BRWD1: variants seen among roughly 807,000 people sequenced by gnomAD.
The protein encoded by BRWD1 is bromodomain and WD repeat domain containing 1.
In BRWD1, 82 loss-of-function variants were observed where a neutral mutation model predicts 251.2. The observed-to-expected ratio is 0.33, with a 90% CI of 0.27 to 0.39. BRWD1 has a LOEUF of 0.39. Ranked by LOEUF, BRWD1 falls within the 10% of genes least tolerant of loss-of-function variation. The probability of loss-of-function intolerance (pLI) is 1.00; values close to 1 mark genes in which losing one functional copy is unlikely to be tolerated. For synonymous variants in BRWD1, 918 were observed against 902.8 expected (o/e 1.02, Z -0.30); for missense variants, 2,233 against 2,711.6 (o/e 0.82, Z 3.92).
intron 4 of BRWD1, among the ~76,000 whole-genome samples, chr21:39,310,242 G>A (rs928028891): frequency 7.9e-5 from 12 of 152,182 alleles, no homozygotes; most frequent in East Asian, 3.8e-4. Context: ...TTGGCCAGGC[G>A]CAGTGGCTCA....
At chr21:39,279,112 C>A (rs1056628846) in intron 9 of BRWD1, among the ~76,000 whole-genome samples, 2 of 152,038 alleles carry the variant, frequency 1.3e-5, no homozygotes, top group East Asian at 3.9e-4. Context: ...ATAAAAAGAT[C>A]AAATTAATCA....
At chr21:39,261,062 T>C (rs568760247) in intron 17 of BRWD1, among the ~76,000 whole-genome samples, 8 of 152,082 alleles carry the variant, frequency 5.3e-5, no homozygotes, top group Admixed American at 5.2e-4. Flanking sequence ...TCATCTGTAC[T>C]AAAAATACAA....
chr21:39,316,529 C>G (rs1041568337), upstream of BRWD1, among the ~76,000 whole-genome samples: 2 of 152,068 alleles, frequency 1.3e-5, no homozygotes, highest in Non-Finnish European at 2.9e-5. Flanking sequence ...GTAACAAGGG[C>G]GTAAGATTAA....
At chr21:39,247,063 C>T (rs372010102) in intron 21 of BRWD1, among the ~76,000 whole-genome samples, 3 of 148,890 alleles carry the variant, frequency 2.0e-5, no homozygotes, top group Non-Finnish European at 3.0e-5. Flanking sequence ...GGCAAGACAA[C>T]GAGACTCCGT....
At chr21:39,291,482 C>T (rs1391371715) in intron 8 of BRWD1, among the ~76,000 whole-genome samples, 1 of 152,134 alleles carries the variant, frequency 6.6e-6, no homozygotes, top group Admixed American at 6.5e-5. Flanking sequence ...TTGGCCCAAC[C>T]CCACCAACAT....
At chr21:39,206,315 T>C (rs994695439) in intron 36 of BRWD1, 41 bp from the exon 37 acceptor site, 1 of 1,349,264 alleles carries the variant, frequency 7.4e-7, no homozygotes, top group Admixed American at 2.2e-5. Context: ...CAAAATAGCC[T>C]TAAAAGTACT....
At chr21:39,299,394 T>TA (rs1168652039) in intron 4 of BRWD1, among the ~76,000 whole-genome samples, 1 of 152,104 alleles carries the variant, frequency 6.6e-6, no homozygotes, top group African/African-American at 2.4e-5. Flanking sequence ...TACTAGGCAG[T>TA]AAAAAACATT....
rs529899423 is a variant in BRWD1 at position 39,242,943 on chromosome 21, T to C, written c.2482-4370A>G. ...TCCAAATATTACTGCTTGTGGACAA[T>C]AGACCTAGCCATCCAAGACCTCTGA... is the stretch of plus-strand genomic sequence containing the variant. On this transcript the variant is annotated intron_variant, in intron 21 of 40. Coordinates refer to ENST00000342449, the MANE Select transcript of BRWD1 (RefSeq NM_033656.4). Among the ~76,000 whole-genome samples, 44 of 152,276 alleles carry C rather than the reference T, an allele frequency of 2.9e-4. 1 individual carries two copies. The highest frequency in any genetic ancestry group is 2.0e-3 in the Admixed American group (31 of 15,298).
chr21:39,228,644 A>C (rs2033480966), intron 26 of BRWD1, 62 bp from the exon 27 acceptor site: 2 of 885,862 alleles, frequency 2.3e-6, no homozygotes, highest in South Asian at 3.0e-5. Flanking sequence ...GTCTAAAAGC[A>C]GCACTGTCCA....
rs148274063 is a variant in BRWD1 at position 39,247,273 on chromosome 21, T to C, written c.2481+428A>G. Among the ~76,000 whole-genome samples the C allele has an allele frequency of 7.2e-3, 1,095 of 152,304 alleles. 8 individuals are homozygous for C. Among genetic ancestry groups the C allele is most frequent in the Middle Eastern group, 0.02 (6 of 294 alleles). On this transcript the variant is annotated intron_variant, in intron 21 of 40. Coordinates refer to ENST00000342449, the MANE Select transcript of BRWD1 (RefSeq NM_033656.4). ...GGTGACGATGGCCCAACTCTGTCAA[T>C]ATACTACAGGTTATATACCCCTTAT...
chr21:39,192,226 GA>G lies in BRWD1; in HGVS notation c.*4032del. 1.0e-6 allele frequency: 1 copy of G among 981,250 alleles called. No individual in the cohort carries two copies. The highest frequency in any genetic ancestry group is 1.2e-6 in the Non-Finnish European group (1 of 828,952). 60.8% of individuals were successfully genotyped at this position (981,250 alleles called of 1,614,324 possible). On this transcript the variant is annotated 3_prime_UTR_variant, in exon 41 of 41. Transcript: ENST00000342449. Reference sequence around the variant, plus strand: ...CAGCCTTTAAAACTTAAAATCGTAAGAAAAGACAACACAGCCCTTAGCATTA... The same window carrying G: ...CAGCCTTTAAAACTTAAAATCGTAAGAAAGACAACACAGCCCTTAGCATTA...
chr21:39,300,025 C>T (rs2036065660), intron 4 of BRWD1, among the ~76,000 whole-genome samples: 2 of 152,080 alleles, frequency 1.3e-5, no homozygotes, highest in African/African-American at 2.4e-5. Context: ...TAGCTGCTTA[C>T]ACCCCTAGCA....
chr21:39,284,690 TA>T (rs1407610990), intron 8 of BRWD1, among the ~76,000 whole-genome samples: 2 of 152,222 alleles, frequency 1.3e-5, no homozygotes, highest in Non-Finnish European at 2.9e-5. Flanking sequence ...ATGTTAAGCA[TA>T]TTTTCATATA....
intron 4 of BRWD1, 76 bp from the exon 5 acceptor site, chr21:39,298,658 C>A: frequency 8.1e-7 from 1 of 1,232,936 alleles, no homozygotes; most frequent in East Asian, 2.7e-5. Flanking sequence ...ATAAGTCTGG[C>A]AAAATGTGAA....
rs111713192 is a variant in BRWD1 at position 39,274,484 on chromosome 21, C to T, written c.1146-12G>A. 16 of 1,596,162 alleles carry T rather than the reference C, an allele frequency of 1.0e-5. No individual in the cohort carries two copies. The African/African-American group carries it at 1.1e-4, about 11-fold the overall frequency. On this transcript the variant is annotated splice_polypyrimidine_tract_variant and intron_variant, in intron 12 of 40. Coordinates refer to ENST00000342449, the MANE Select transcript of BRWD1 (RefSeq NM_033656.4). ...TACCACTTAGGAACCTTAAAACATT[C>T]AGAACAGGATCTTACTATATTCACA...
rs1258774859 is a variant in BRWD1, at chr21:39,195,196, G to A, written c.*1063C>T. The A allele has an allele frequency of 2.9e-5, 30 of 1,031,312 alleles. No individual in the cohort carries two copies. Among genetic ancestry groups the A allele is most frequent in the African/African-American group, 3.4e-5 (2 of 58,048 alleles). 63.9% of individuals were successfully genotyped at this position (1,031,312 alleles called of 1,614,324 possible). On this transcript the variant is annotated 3_prime_UTR_variant, in exon 41 of 41. Transcript: ENST00000342449. ...AGAATGCTTAGGATTGCACATGGAA[G>A]CAGTAAACTAAAACAAAGAGATGGA... is the stretch of plus-strand genomic sequence containing the variant.
At chr21:39,232,131 T>C (rs368759424) in intron 25 of BRWD1, 46 bp downstream of exon 25, 27 of 1,346,166 alleles carry the variant, frequency 2.0e-5, no homozygotes, top group Non-Finnish European at 2.6e-5. Flanking sequence ...AATTTAACTA[T>C]GTATGTGCTA....
At position 39,256,173 on chromosome 21, in the gene BRWD1, A is replaced by G. The variant is rs188615952; in HGVS notation, c.2072-345T>C. Among the ~76,000 whole-genome samples, 322 of 152,340 alleles carry G rather than the reference A, an allele frequency of 2.1e-3. 1 individual carries two copies. The highest frequency in any genetic ancestry group is 7.4e-3 in the African/African-American group (307 of 41,582). ...AATGTAGAATACGGAACAAACATTA[A>G]CTATTAAACCTCAATTTCAATTTTT... On this transcript the variant is annotated intron_variant, in intron 18 of 40. Coordinates refer to ENST00000342449, the MANE Select transcript of BRWD1 (RefSeq NM_033656.4).
chr21:39,212,837 A>G, intron 33 of BRWD1, 130 bp from the exon 34 acceptor site: 1 of 610,168 alleles, frequency 1.6e-6, no homozygotes, highest in Non-Finnish European at 2.7e-6. Flanking sequence ...CAAAATCTCC[A>G]AAGAAAGACT....
Sources: allele counts gnomAD v4.1 joint callset (sites outside exome capture counted in the v4.1 genomes callset), GRCh38; gene constraint gnomAD v4.1.1; transcripts MANE v1.5; gene names NCBI Gene and HGNC (gene_info 2026-07-23, HGNC 2026-07-21).